CDH23: variants seen among roughly 807,000 people sequenced by gnomAD.
CDH23 encodes the protein cadherin related 23, also known as cadherin-23.
A neutral mutation model predicts 317.1 loss-of-function variants in CDH23; 189 were observed. The observed-to-expected ratio is 0.60, with a 90% CI of 0.53 to 0.67. The LOEUF is 0.67. CDH23 is among the 30% of genes least tolerant of loss of function. The pLI is 0.00. For synonymous variants in CDH23, 1,839 were observed against 1,876.8 expected (o/e 0.98, Z 0.52); for missense variants, 4,401 against 4,592.4 (o/e 0.96, Z 1.20).
chr10:71,792,500 A>G (rs1236229445), intron 47 of CDH23, among the ~76,000 whole-genome samples: 2 of 152,110 alleles, frequency 1.3e-5, no homozygotes, highest in African/African-American at 4.8e-5. Context: ...ATTATAGCCA[A>G]TATTGAAAGG....
chr10:71,661,471 G>C (rs1665694), intron 14 of CDH23, among the ~76,000 whole-genome samples: 2 of 152,104 alleles, frequency 1.3e-5, no homozygotes, highest in South Asian at 2.1e-4. Context: ...AAAATGGGGA[G>C]GATGTTACTG....
At chr10:71,550,123 C>T (rs1200460744) in intron 6 of CDH23, among the ~76,000 whole-genome samples, 1 of 152,148 alleles carries the variant, frequency 6.6e-6, no homozygotes, top group Non-Finnish European at 1.5e-5. Context: ...AGGCCTTGAG[C>T]TCTCTACACT....
intron 6 of CDH23, among the ~76,000 whole-genome samples, chr10:71,563,110 G>T (rs1857214677): frequency 6.6e-6 from 1 of 152,116 alleles, no homozygotes; most frequent in Admixed American, 6.5e-5. Context: ...TTTGGGTGGG[G>T]TGGAAAGAGC....
intron 38 of CDH23, chr10:71,748,931 G>A (rs542677875): frequency 1.3e-5 from 2 of 153,046 alleles, no homozygotes; most frequent in African/African-American, 4.8e-5. Context: ...CTGAAAACAG[G>A]AAACCACGAA....
chr10:71,729,208 G>GGTAAGC (rs1866950478), intron 30 of CDH23, among the ~76,000 whole-genome samples: 1 of 152,206 alleles, frequency 6.6e-6, no homozygotes, highest in Non-Finnish European at 1.5e-5. Context: ...ACTTAGTGCT[G>GGTAAGC]GTAAGCGGTG....
intron 3 of CDH23, among the ~76,000 whole-genome samples, chr10:71,461,402 C>T (rs897865545): frequency 6.6e-6 from 1 of 152,242 alleles, no homozygotes; most frequent in African/African-American, 2.4e-5. Flanking sequence ...GACATCCATC[C>T]TGGGCTGTGA....
intron 24 of CDH23, among the ~76,000 whole-genome samples, chr10:71,704,541 A>G (rs1865707429): frequency 6.6e-6 from 1 of 152,178 alleles, no homozygotes; most frequent in African/African-American, 2.4e-5. Context: ...GTTGAACTCC[A>G]GATAATGGTG....
chr10:71,623,428 G>A (rs946029350), intron 11 of CDH23, among the ~76,000 whole-genome samples: 3 of 152,270 alleles, frequency 2.0e-5, no homozygotes, highest in Non-Finnish European at 2.9e-5. Context: ...GAGGTGTCAG[G>A]AGGCCAGGCT....
intron 38 of CDH23, chr10:71,760,616 G>A (rs534765562): frequency 1.7e-5 from 8 of 471,986 alleles, no homozygotes; most frequent in Middle Eastern, 3.3e-4. Flanking sequence ...CTGGCCAAAG[G>A]TCACTGCCAA....
chr10:71,652,393 CTG>C (rs1352227818), intron 14 of CDH23, among the ~76,000 whole-genome samples: 2 of 152,236 alleles, frequency 1.3e-5, no homozygotes, highest in Non-Finnish European at 2.9e-5. Flanking sequence ...AAAGTAGTGC[CTG>C]CGCAGCCTGC....
At chr10:71,713,273 G>T in intron 28 of CDH23, 1 of 779,472 alleles carries the variant, frequency 1.3e-6, no homozygotes, top group South Asian at 1.3e-5. Flanking sequence ...CCAGGGAGCA[G>T]GCGCAACAGC....
intron 38 of CDH23, among the ~76,000 whole-genome samples, chr10:71,772,726 T>G (rs140457366): frequency 2.1e-4 from 32 of 152,342 alleles, no homozygotes; most frequent in African/African-American, 6.7e-4. Flanking sequence ...CACTGGTCCC[T>G]GAGTGGCAGC....
chr10:71,517,223 G>A lies in CDH23; in HGVS notation c.429+6011G>A, dbSNP rs12775272. Among the ~76,000 whole-genome samples, 752 of 152,376 alleles carry A rather than the reference G, an allele frequency of 4.9e-3. 2 individuals carry two copies. Among genetic ancestry groups the A allele is most frequent in the Non-Finnish European group, 8.3e-3 (562 of 68,032 alleles). ...TACTGTGCATGGTCCAGGGCTGGGTGAGGAGCGGTGAGGCCTAGCACTGAG... is the reference window on the plus strand; with the variant it reads ...TACTGTGCATGGTCCAGGGCTGGGTAAGGAGCGGTGAGGCCTAGCACTGAG... On this transcript the variant is annotated intron_variant, in intron 6 of 69. Transcript: ENST00000224721.
At chr10:71,717,085 C>G (rs1866292803) in intron 28 of CDH23, 1 of 152,286 alleles carries the variant, frequency 6.6e-6, no homozygotes, top group Non-Finnish European at 1.5e-5. Flanking sequence ...GACTGCTTCC[C>G]CATGCAGTCC....
chr10:71,599,371 A>G (rs118127739), intron 9 of CDH23, among the ~76,000 whole-genome samples: 1 of 152,282 alleles, frequency 6.6e-6, no homozygotes, highest in Non-Finnish European at 1.5e-5. Context: ...CCTGACTTGA[A>G]TGTGGACTGT....
intron 55 of CDH23, among the ~76,000 whole-genome samples, chr10:71,805,315 G>A (rs913351911): frequency 3.3e-5 from 5 of 152,160 alleles, no homozygotes; most frequent in Admixed American, 1.3e-4. Context: ...TATCCACCAT[G>A]TCACCCTGCC....
intron 28 of CDH23, chr10:71,716,397 C>T (rs1321095577): frequency 1.1e-5 from 16 of 1,407,162 alleles, no homozygotes; most frequent in Middle Eastern, 2.6e-4. Flanking sequence ...CCCAGGGCAG[C>T]GGGTATAGGG....
At chr10:71,447,515 G>A (rs1850230344) in intron 3 of CDH23, among the ~76,000 whole-genome samples, 1 of 152,118 alleles carries the variant, frequency 6.6e-6, no homozygotes, top group Admixed American at 6.5e-5. Flanking sequence ...GTTTGTTGTG[G>A]GGATTGTCCC....
chr10:71,731,114 G>T (rs1257893791), intron 31 of CDH23, among the ~76,000 whole-genome samples: 1 of 152,246 alleles, frequency 6.6e-6, no homozygotes, highest in Non-Finnish European at 1.5e-5. Context: ...CCAAGCCCCA[G>T]AGGCGGCCAC....
Sources: gnomAD v4.1 joint callset for allele counts (sites outside exome capture counted in the v4.1 genomes callset) on GRCh38, gnomAD v4.1.1 for gene constraint, MANE v1.5 for transcripts, NCBI Gene and HGNC (gene_info 2026-07-23, HGNC 2026-07-21) for gene names.